Variants in DMD observed in about 807,000 individuals in gnomAD.
DMD encodes mutant dystrophin.
In DMD, 63 loss-of-function variants were observed where a neutral mutation model predicts 330.1. The ratio of observed to expected loss-of-function variants is 0.19; its 90% CI spans 0.16 to 0.24. The LOEUF (loss-of-function observed/expected upper bound fraction) is 0.24, where lower values mean the gene tolerates loss of function less well. DMD is among the 10% of genes least tolerant of loss of function. The pLI, the probability that DMD is intolerant of heterozygous loss-of-function variation, is 1.00. For missense variants in DMD, 3,344 were observed against 2,684.1 expected, an observed-to-expected ratio of 1.25 and a Z score of -5.43; for synonymous variants, 1,223 against 959.8, an observed-to-expected ratio of 1.27 and a Z score of -5.07.
intron 44 of DMD, among the ~76,000 whole-genome samples, chrX:32,099,616 A>G (rs976469925): frequency 1.8e-5 from 2 of 108,685 alleles, no homozygotes; most frequent in Non-Finnish European, 3.8e-5. Context: ...ACTGGAATAC[A>G]TCATTCTCAG....
chrX:31,456,876 G>GTATA (rs1179873372), intron 59 of DMD, among the ~76,000 whole-genome samples: 3 of 68,719 alleles, frequency 4.4e-5, no homozygotes, highest in Non-Finnish European at 9.0e-5. Context: ...GTGTGTGTGT[G>GTATA]TATATATATA....
At chrX:31,732,017 T>C (rs1029845337) in intron 51 of DMD, among the ~76,000 whole-genome samples, 2 of 111,021 alleles carry the variant, frequency 1.8e-5, no homozygotes, top group Admixed American at 1.9e-4. Flanking sequence ...ATGAACAAAA[T>C]AGGTCTCAGG....
chrX:33,320,700 T>C (rs910400159), intron 1 of DMD, among the ~76,000 whole-genome samples: 3 of 112,152 alleles, frequency 2.7e-5, no homozygotes, highest in Non-Finnish European at 5.6e-5. Flanking sequence ...AATTGACTCT[T>C]TCTTTCACAA....
chrX:32,782,905 A>G (rs1200069882), intron 7 of DMD, among the ~76,000 whole-genome samples: 2 of 105,856 alleles, frequency 1.9e-5, no homozygotes, highest in South Asian at 8.0e-4. Flanking sequence ...ACACATATAT[A>G]TCATATATAC....
At chrX:33,017,916 A>C (rs1352591148) in intron 2 of DMD, among the ~76,000 whole-genome samples, 2 of 112,184 alleles carry the variant, frequency 1.8e-5, no homozygotes, top group Admixed American at 9.5e-5. Flanking sequence ...CGATGCAATA[A>C]ATTGCCAAAT....
intron 7 of DMD, among the ~76,000 whole-genome samples, chrX:32,729,191 T>C (rs1174144148): frequency 8.9e-6 from 1 of 112,146 alleles, no homozygotes; most frequent in East Asian, 2.8e-4. Context: ...TTGAATCATT[T>C]CGGATTTCAG....
At chrX:33,228,981 A>C (rs1172192023) in intron 1 of DMD, among the ~76,000 whole-genome samples, 1 of 110,828 alleles carries the variant, frequency 9.0e-6, no homozygotes, top group Admixed American at 9.6e-5. Flanking sequence ...GATATTTAAT[A>C]TCTTTTCCAT....
At chrX:31,413,446 T>C (rs1169788660) in intron 60 of DMD, among the ~76,000 whole-genome samples, 1 of 112,406 alleles carries the variant, frequency 8.9e-6, no homozygotes, top group African/African-American at 3.2e-5. Flanking sequence ...ATTTTGAGTC[T>C]TGATTTTGAT....
At chrX:31,674,432 G>C in intron 53 of DMD, among the ~76,000 whole-genome samples, 1 of 112,297 alleles carries the variant, frequency 8.9e-6, no homozygotes, top group East Asian at 2.8e-4. Context: ...CCTTAGAAAT[G>C]TTTATTCAAT....
intron 60 of DMD, among the ~76,000 whole-genome samples, chrX:31,416,871 G>C (rs1410308036): frequency 8.9e-6 from 1 of 112,201 alleles, no homozygotes. Flanking sequence ...AATATTTGGG[G>C]TAAGAGGGTC....
Position 32,550,264 on chromosome X carries a change from A to C in DMD, c.1993-4930T>G, listed in dbSNP as rs766090877. 3.6e-5 allele frequency among the ~76,000 whole-genome samples: 4 copies of C among 112,052 alleles called. No homozygotes were observed. The South Asian group carries it at 1.5e-3, about 41-fold the overall frequency. ...ACAATCTTTAGAAAATTTTTTTAAA[A>C]CCCACAAAATTATACCAACAACACT... is the stretch of plus-strand genomic sequence containing the variant. On this transcript the variant is annotated intron_variant, in intron 16 of 78. Transcript: ENST00000357033.
chrX:31,650,780 C>T (rs2080407673), intron 54 of DMD, among the ~76,000 whole-genome samples: 1 of 111,486 alleles, frequency 9.0e-6, no homozygotes, highest in Non-Finnish European at 1.9e-5. Context: ...CTTTTGGAAA[C>T]ATGTCATACA....
At chrX:33,046,743 T>C in intron 1 of DMD, among the ~76,000 whole-genome samples, 1 of 112,488 alleles carries the variant, frequency 8.9e-6, no homozygotes, top group African/African-American at 3.2e-5. Flanking sequence ...ATTTATTTAG[T>C]GCCCGGAAGG....
Position 32,468,610 on chromosome X carries a change from T to G in DMD, c.3050A>C (p.Lys1017Thr). Residue 1017 changes from lysine (K) to threonine (T), a missense_variant, in exon 23 of 79, where the codon AAA becomes ACA. Physicochemically the swap from Lys to Thr is moderately conservative, Grantham distance 78. Transcript: ENST00000357033. ...AATTTCTTCAAATTCTGATTGATAT[T>G]TCCGGCTAATTTCAGAGGGCGCTTT... is the stretch of plus-strand genomic sequence containing the variant. ...SKKAPSEISR[K>T]YQSEFEEIEG... The G allele has an allele frequency of 8.3e-7, 1 of 1,211,149 alleles. No homozygotes were observed. Among genetic ancestry groups the G allele is most frequent in the Non-Finnish European group, 1.1e-6 (1 of 895,192 alleles).
At chrX:33,026,313 C>CAAA (rs56794668) in intron 1 of DMD, among the ~76,000 whole-genome samples, 453 of 32,798 alleles carry the variant, frequency 0.014, 43 homozygotes, top group Non-Finnish European at 0.019. Flanking sequence ...GACTCCGTCT[C>CAAA]AAAAAAAAAA....
intron 18 of DMD, among the ~76,000 whole-genome samples, chrX:32,503,610 C>T (rs993746465): frequency 3.6e-5 from 4 of 111,444 alleles, no homozygotes; most frequent in Middle Eastern, 4.7e-3. Context: ...GGCTGGAGTG[C>T]AGTGGCATGA....
intron 1 of DMD, among the ~76,000 whole-genome samples, chrX:33,057,538 C>G (rs1413248223): frequency 8.9e-6 from 1 of 112,011 alleles, no homozygotes; most frequent in African/African-American, 3.2e-5. Flanking sequence ...TCTACGCATG[C>G]ATAGAAAACT....
chrX:32,505,762 C>T (rs1569564995), intron 18 of DMD, among the ~76,000 whole-genome samples: 1 of 111,851 alleles, frequency 8.9e-6, no homozygotes, highest in African/African-American at 3.3e-5. Context: ...AGATGTTCTT[C>T]AGTAGATGAA....
At chrX:31,284,568 T>TCTTCTTCTTCTTCTTCTTCTTCTTCTTC in intron 62 of DMD, among the ~76,000 whole-genome samples, 1 of 61,328 alleles carries the variant, frequency 1.6e-5, no homozygotes. Context: ...TTCTTCTTCT[T>TCTTCTTCTTCTTCTTCTTCTTCTTCTTC]CTTCTTCTTC....
Sources: allele counts gnomAD v4.1 joint callset (sites outside exome capture counted in the v4.1 genomes callset), GRCh38; gene constraint gnomAD v4.1.1; transcripts MANE v1.5; gene names NCBI Gene and HGNC (gene_info 2026-07-23, HGNC 2026-07-21).